HSBP1L1: variants seen among roughly 807,000 people sequenced by gnomAD.
HSBP1L1 encodes heat shock factor-binding protein 1-like protein 1.
Under a neutral mutation model 9.7 loss-of-function variants are expected in HSBP1L1, and 8 were observed. That is an observed-to-expected ratio of 0.82 (90% CI 0.48 to 1.48). The LOEUF is 1.48. Among genes scored for constraint, HSBP1L1 ranks in the 40% most tolerant of loss-of-function variants. The probability of loss-of-function intolerance (pLI) is 0.00; values close to 1 mark genes in which losing one functional copy is unlikely to be tolerated. For missense variants in HSBP1L1, 106 were observed against 95.8 expected (o/e 1.11, Z -0.44); for synonymous variants, 39 against 34.4 (o/e 1.13, Z -0.46).
chr18:79,966,556 A>AC, intron 1 of HSBP1L1, 56 bp from the exon 2 acceptor site: 1 of 1,343,638 alleles, frequency 7.4e-7, no homozygotes, highest in Non-Finnish European at 1.0e-6. Context: ...AAAAAAAAAA[A>AC]ACTCATATGC....
chr18:79,969,368 AAAGAAAGAAAGAAAGAAAGAAAG>A, intron 3 of HSBP1L1, among the ~76,000 whole-genome samples: 1 of 50,048 alleles, frequency 2.0e-5, no homozygotes, highest in Admixed American at 2.4e-4. Flanking sequence ...AGAAAGAAAG[AAAGAAAGAAAGAAAGAAAGAAAG>A]AAAAAAAAAC....
chr18:79,969,426 G>A (rs1051765111), intron 3 of HSBP1L1, among the ~76,000 whole-genome samples: 1 of 152,080 alleles, frequency 6.6e-6, no homozygotes, highest in African/African-American at 2.4e-5. Context: ...CCCACGTTGA[G>A]CAGGTCCTCC....
chr18:79,964,846 G>T, intron 1 of HSBP1L1, 60 bp downstream of exon 1: 1 of 286,036 alleles, frequency 3.5e-6, no homozygotes, highest in African/African-American at 2.5e-5. Flanking sequence ...GGTTCTGGGG[G>T]GTTTTGAGGT....
In HSBP1L1 at chr18:79,966,691, A is replaced by G. The variant is rs1408837769; in HGVS notation, c.118+13A>G. 4 of 1,524,010 alleles carry G rather than the reference A, an allele frequency of 2.6e-6. No homozygotes were observed. The highest frequency in any genetic ancestry group is 2.8e-5 in the African/African-American group (2 of 72,424). The allele number at this position is 1,524,010 out of a possible 1,614,324, so 94.4% of individuals were successfully genotyped here. ...TTAAACCTCAGAAATATCCTTTTCT[A>G]CCTTTAACAAATGCTGTGATTCTTT... On this transcript the variant is annotated intron_variant, in intron 2 of 3. Coordinates refer to ENST00000451882, the MANE Select transcript of HSBP1L1 (RefSeq NM_001136180.2).
chr18:79,968,606 G>A (rs1390748489), intron 3 of HSBP1L1, among the ~76,000 whole-genome samples: 4 of 151,748 alleles, frequency 2.6e-5, no homozygotes, highest in Non-Finnish European at 5.9e-5. Context: ...TTACAGGCGT[G>A]AGCCACCACG....
At position 79,964,672 on chromosome 18, in the gene HSBP1L1, C is replaced by T. The variant is rs2051247335; in HGVS notation, c.-64C>T. 4.2e-6 allele frequency: 4 copies of T among 951,636 alleles called. No homozygotes were observed. Among genetic ancestry groups the T allele is most frequent in the Middle Eastern group, 3.3e-4 (1 of 3,036 alleles). The allele number at this position is 951,636 out of a possible 1,614,324, so 58.9% of individuals were successfully genotyped here. The stretch of plus-strand genomic sequence containing the variant: ...GGGAATCGCGGAGCTTAGCTGTCGC[C>T]ACCTCGCGCCGGGTCCGCGCGGCCC... On this transcript the variant is annotated 5_prime_UTR_variant, in exon 1 of 4. Coordinates refer to ENST00000451882, the MANE Select transcript of HSBP1L1 (RefSeq NM_001136180.2).
chr18:79,970,539 G>T lies in HSBP1L1; in HGVS notation c.*88G>T, dbSNP rs371714498. On this transcript the variant is annotated 3_prime_UTR_variant, in exon 4 of 4. Transcript: ENST00000451882. ...TGAGGGTGGGGCCCTCATCCAACAG[G>T]ATTCGTCTTTCTGAGAAGAGACGCA... The T allele has an allele frequency of 2.8e-6, 2 of 714,614 alleles. No individual in the cohort carries two copies. Among genetic ancestry groups the T allele is most frequent in the South Asian group, 1.5e-5 (1 of 67,396 alleles). 44.3% of individuals were successfully genotyped at this position (714,614 alleles called of 1,614,324 possible).
intron 2 of HSBP1L1, chr18:79,967,833 C>A: frequency 2.6e-6 from 1 of 384,772 alleles, no homozygotes; most frequent in South Asian, 5.4e-5. Flanking sequence ...CTAAAATATA[C>A]CAGACAATCT....
Position 79,970,588 on chromosome 18 carries a change from C to A in HSBP1L1, c.*137C>A, listed in dbSNP as rs1279065273. 7.8e-6 allele frequency: 5 copies of A among 643,216 alleles called. No homozygotes were observed. Among genetic ancestry groups the A allele is most frequent in the East Asian group, 5.6e-5 (2 of 35,928 alleles). The allele number at this position is 643,216 out of a possible 1,614,324, so 39.8% of individuals were successfully genotyped here. A position where few individuals can be genotyped will look rare whatever the true frequency, so the allele number is the denominator to read the frequency against. Reference sequence around the variant, plus strand: ...CAAGGGGCTCGCCTGCTCTCCCCTCCGTGCCTGCACCAGAGAAGGAGGCCA... The same window carrying A: ...CAAGGGGCTCGCCTGCTCTCCCCTCAGTGCCTGCACCAGAGAAGGAGGCCA... On this transcript the variant is annotated 3_prime_UTR_variant, in exon 4 of 4. Transcript: ENST00000451882.
chr18:79,969,321 G>GAA lies in HSBP1L1; in HGVS notation c.214-1117_214-1116dup, dbSNP rs1490735903. Among the ~76,000 whole-genome samples the GAA allele has an allele frequency of 1.7e-3, 184 of 105,552 alleles. 8 individuals are homozygous for GAA. Among genetic ancestry groups the GAA allele is most frequent in the East Asian group, 9.8e-3 (29 of 2,972 alleles). The allele number at this position is 105,552 out of a possible 152,430, so 69.2% of individuals were successfully genotyped here. ...GAGAGAGAGAGAGAAAGGAAAGAAA[G>GAA]AAAGAAAGAAAAAGAAAGAAAGAAA... On this transcript the variant is annotated intron_variant, in intron 3 of 3. Coordinates refer to ENST00000451882, the MANE Select transcript of HSBP1L1 (RefSeq NM_001136180.2).
intron 1 of HSBP1L1, 91 bp from the exon 2 acceptor site, chr18:79,966,521 C>T (rs930693720): frequency 5.6e-6 from 5 of 890,894 alleles, no homozygotes; most frequent in Non-Finnish European, 8.7e-6. Context: ...CCAGCCTGGG[C>T]AACAAAACAA....
At chr18:79,969,213 AAAGAAAGAAAG>A (rs1388616289) in intron 3 of HSBP1L1, among the ~76,000 whole-genome samples, 1 of 118,098 alleles carries the variant, frequency 8.5e-6, no homozygotes, top group African/African-American at 3.0e-5. Context: ...AGAAAGAAAG[AAAGAAAGAAAG>A]AGGAGAGAGA....
In HSBP1L1 at chr18:79,969,281, AGG is replaced by A. The variant is rs2051275626; in HGVS notation, c.213+1100_213+1101del. Among the ~76,000 whole-genome samples the A allele has an allele frequency of 2.8e-4, 6 of 21,374 alleles. 1 individual carries two copies. The highest frequency in any genetic ancestry group is 6.1e-4 in the Admixed American group (1 of 1,650). The allele number at this position is 21,374 out of a possible 152,430, so 14.0% of individuals were successfully genotyped here. A position where few individuals can be genotyped will look rare whatever the true frequency, so the allele number is the denominator to read the frequency against. On this transcript the variant is annotated intron_variant, in intron 3 of 3. Transcript: ENST00000451882. ...GAGAGAGGGAGGGAGGGAGGGAGGG[AGG>A]GAGGGAGGGAGGGAGAGAGAGAGAG...
chr18:79,969,293 AGG>A (rs749640258), intron 3 of HSBP1L1, among the ~76,000 whole-genome samples: 1,508 of 26,092 alleles, frequency 0.058, 112 homozygotes, highest in Non-Finnish European at 0.071. Flanking sequence ...GGAGGGAGGG[AGG>A]GAGAGAGAGA....
chr18:79,966,134 A>T (rs996960083), intron 1 of HSBP1L1, among the ~76,000 whole-genome samples: 21 of 152,108 alleles, frequency 1.4e-4, no homozygotes, highest in African/African-American at 3.9e-4. Flanking sequence ...GGTTTCACCT[A>T]GTTTGCCAGG....
chr18:79,969,283 GGAGGGAGGGAGGGA>G (rs1473915905), intron 3 of HSBP1L1, among the ~76,000 whole-genome samples: 7 of 24,028 alleles, frequency 2.9e-4, no homozygotes, highest in African/African-American at 6.9e-4. Context: ...AGGGAGGGAG[GGAGGGAGGGAGGGA>G]GAGAGAGAGA....
chr18:79,964,853 A>C, intron 1 of HSBP1L1, 67 bp downstream of exon 1: 4 of 84,984 alleles, frequency 4.7e-5, no homozygotes, highest in African/African-American at 7.2e-5. Context: ...GGGGGTTTTG[A>C]GGTCCTGGGG....
Position 79,969,360 on chromosome 18 carries a change from AAAG to A in HSBP1L1, c.214-1077_214-1075del, listed in dbSNP as rs2051280522. ...GAAAGAAAGAAAGAAAGAAAGAAAG[AAAG>A]AAAGAAAGAAAGAAAGAAAGAAAGA... is the stretch of plus-strand genomic sequence containing the variant. On this transcript the variant is annotated intron_variant, in intron 3 of 3. Transcript: ENST00000451882. Among the ~76,000 whole-genome samples, 4 of 47,752 alleles carry A rather than the reference AAAG, an allele frequency of 8.4e-5. 1 individual carries two copies. Among genetic ancestry groups the A allele is most frequent in the East Asian group, 2.8e-3 (2 of 716 alleles). The allele number at this position is 47,752 out of a possible 152,430, so 31.3% of individuals were successfully genotyped here.
chr18:79,970,749 G>T lies in HSBP1L1; in HGVS notation c.*298G>T, dbSNP rs2037099087. ...CAATCTGAAGTATTTTGTTATGGCA[G>T]TCCTGGGCAGACTAATACAATATGC... On this transcript the variant is annotated 3_prime_UTR_variant, in exon 4 of 4. Transcript: ENST00000451882. 2 of 395,870 alleles carry T rather than the reference G, an allele frequency of 5.1e-6. No homozygotes were observed. Among genetic ancestry groups the T allele is most frequent in the Admixed American group, 7.2e-5 (2 of 27,972 alleles). 24.5% of individuals were successfully genotyped at this position (395,870 alleles called of 1,614,324 possible).
Sources: allele counts gnomAD v4.1 joint callset (sites outside exome capture counted in the v4.1 genomes callset), GRCh38; gene constraint gnomAD v4.1.1; transcripts MANE v1.5; gene names NCBI Gene and HGNC (gene_info 2026-07-23, HGNC 2026-07-21).